SRP68: variants seen among roughly 807,000 people sequenced by gnomAD.
SRP68 encodes the protein signal recognition particle 68, also known as signal recognition particle subunit SRP68.
A neutral mutation model predicts 82.2 loss-of-function variants in SRP68; 15 were observed. That is an observed-to-expected ratio of 0.18 (90% CI 0.12 to 0.28). SRP68 has a LOEUF of 0.28. Ranked by LOEUF, SRP68 falls within the 10% of genes least tolerant of loss-of-function variation. The probability of loss-of-function intolerance (pLI) is 1.00; values close to 1 mark genes in which losing one functional copy is unlikely to be tolerated. For synonymous variants in SRP68, 261 were observed against 292.6 expected, an observed-to-expected ratio of 0.89 and a Z score of 1.10; for missense variants, 595 against 780.5, an observed-to-expected ratio of 0.76 and a Z score of 2.83.
At chr17:76,070,845 C>T (rs1199497505) in intron 1 of SRP68, among the ~76,000 whole-genome samples, 2 of 124,384 alleles carry the variant, frequency 1.6e-5, no homozygotes, top group African/African-American at 7.9e-5. Flanking sequence ...GTCACACATG[C>T]ACATGCACAC....
intron 10 of SRP68, 134 bp downstream of exon 10, chr17:76,047,770 CAG>C (rs2066642042): frequency 3.2e-6 from 1 of 315,332 alleles, no homozygotes; most frequent in South Asian, 9.4e-5. Flanking sequence ...GCCTGAGTGA[CAG>C]AGCTAGATCC....
Position 76,046,168 on chromosome 17 carries a change from G to A in SRP68, c.1169C>T (p.Thr390Met), listed in dbSNP as rs757875266. 64 of 1,613,742 alleles carry A rather than the reference G, an allele frequency of 4.0e-5. No individual in the cohort carries two copies. In the Middle Eastern group the frequency reaches 6.6e-4, roughly 17 times the overall value. ...CATGTTCTCATTACGCTTGATTGCC[G>A]TTGATAGCTTGATGTAAGTCAGGTA... The part of the protein sequence containing the change: ...HSYLTYIKLS[T>M]AIKRNENMAK... Residue 390 changes from threonine to methionine, a missense_variant, in exon 11 of 16, where the codon ACG becomes ATG. Physicochemically the swap from Thr to Met is moderately conservative, Grantham distance 81. Transcript: ENST00000307877.
chr17:76,045,464 C>T (rs185303206), intron 11 of SRP68, 78 bp from the exon 12 acceptor site: 16 of 1,101,918 alleles, frequency 1.5e-5, no homozygotes, highest in East Asian at 4.8e-5. Flanking sequence ...CTTGTAAGAA[C>T]GGACAAGAGT....
intron 8 of SRP68, among the ~76,000 whole-genome samples, chr17:76,051,014 C>T (rs1243043198): frequency 6.6e-6 from 1 of 152,036 alleles, no homozygotes; most frequent in Admixed American, 6.6e-5. Flanking sequence ...CAAATGTGAC[C>T]CAACTCAAAG....
At chr17:76,048,182 A>G (rs545668969) in intron 9 of SRP68, 47 of 276,550 alleles carry the variant, frequency 1.7e-4, no homozygotes, top group African/African-American at 9.3e-4. Flanking sequence ...TTGACCTCAA[A>G]TAAGAGAACT....
intron 9 of SRP68, among the ~76,000 whole-genome samples, chr17:76,049,997 T>C (rs1371685293): frequency 3.9e-5 from 6 of 152,052 alleles, no homozygotes; most frequent in Non-Finnish European, 7.4e-5. Context: ...AAAAGGCTAA[T>C]AGAAACAGGT....
chr17:76,052,735 C>T (rs1488498595), intron 8 of SRP68, among the ~76,000 whole-genome samples: 3 of 147,520 alleles, frequency 2.0e-5, no homozygotes, highest in Non-Finnish European at 4.4e-5. Flanking sequence ...ACCCGGGAGG[C>T]GGAGGTTTCA....
chr17:76,063,434 C>G (rs1471724039), intron 4 of SRP68, among the ~76,000 whole-genome samples: 1 of 152,064 alleles, frequency 6.6e-6, no homozygotes, highest in Non-Finnish European at 1.5e-5. Flanking sequence ...GCTTGCAATC[C>G]CAGCACTTTG....
chr17:76,067,788 A>G (rs2066818398), intron 2 of SRP68, among the ~76,000 whole-genome samples: 2 of 152,142 alleles, frequency 1.3e-5, no homozygotes, highest in Admixed American at 6.5e-5. Flanking sequence ...TGAACAACTA[A>G]AACATGGAGG....
At chr17:76,056,115 A>C (rs148334368) in intron 8 of SRP68, among the ~76,000 whole-genome samples, 9 of 152,010 alleles carry the variant, frequency 5.9e-5, no homozygotes, top group Non-Finnish European at 1.3e-4. Flanking sequence ...GCCAGCAGTA[A>C]CTTTTCAAAA....
chr17:76,059,776 AGT>A (rs2066737714), intron 7 of SRP68, among the ~76,000 whole-genome samples: 1 of 129,670 alleles, frequency 7.7e-6, no homozygotes, highest in African/African-American at 3.2e-5. Flanking sequence ...TGAGCGACAG[AGT>A]AAGACTGTCT....
intron 8 of SRP68, among the ~76,000 whole-genome samples, chr17:76,054,858 A>G (rs1296599956): frequency 6.6e-6 from 1 of 152,162 alleles, no homozygotes; most frequent in Non-Finnish European, 1.5e-5. Context: ...AAAAAAACAT[A>G]AGAACTCTCA....
chr17:76,072,320 G>A lies in SRP68; in HGVS notation c.172C>T (p.Leu58=). The change falls in exon 1 of 16, where the codon CTG becomes TTG. Residue 58 remains leucine (L), a synonymous_variant. Coordinates refer to ENST00000307877, the MANE Select transcript of SRP68 (RefSeq NM_014230.4). This position sits in a 1 kb window ranked among gnomAD's most constrained non-coding sequence, Gnocchi z 4.5. ...SKANKEFGDS[L]SLEILQIIKE... ...TACTCTAGGATACTCTCCAAACTCA[G>A]GCTATCCCCAAATTCTTTGTTTGCC... The A allele has an allele frequency of 6.2e-7, 1 of 1,612,230 alleles. No homozygotes were observed. The highest frequency in any genetic ancestry group is 8.5e-7 in the Non-Finnish European group (1 of 1,179,466).
intron 10 of SRP68, 87 bp from the exon 11 acceptor site, chr17:76,046,281 A>T: frequency 4.9e-5 from 63 of 1,273,400 alleles, no homozygotes; most frequent in East Asian, 1.1e-4. Flanking sequence ...GCTGACCCAG[A>T]GGAAGCAGGG....
In SRP68 at chr17:76,066,888, C is replaced by T. The variant is rs535731224; in HGVS notation, c.365+329G>A. ...GATTACAGGCGCCTGCCACCATGCCCGGGTAATTTTTATATTTTTAGTAAA... is the reference window on the plus strand; with the variant it reads ...GATTACAGGCGCCTGCCACCATGCCTGGGTAATTTTTATATTTTTAGTAAA... On this transcript the variant is annotated intron_variant, in intron 3 of 15. Transcript: ENST00000307877. Among the ~76,000 whole-genome samples the T allele has an allele frequency of 3.3e-5, 5 of 152,014 alleles. No homozygotes were observed. In the East Asian group the frequency reaches 5.8e-4, roughly 18 times the overall value.
chr17:76,045,459 A>G (rs1229111508), intron 11 of SRP68, 73 bp from the exon 12 acceptor site: 2 of 1,167,036 alleles, frequency 1.7e-6, no homozygotes, highest in African/African-American at 3.5e-5. Context: ...AAGACCTTGT[A>G]AGAACGGACA....
rs752899172 is a variant in SRP68, at chr17:76,071,402, G to A, written c.184+906C>T. On this transcript the variant is annotated intron_variant, in intron 1 of 15. Transcript: ENST00000307877. This position sits in a 1 kb window ranked among gnomAD's most constrained non-coding sequence, Gnocchi z 4.7. ...AATGACCTTCATCTATATAGGTATA[G>A]TTTTAATGTTTCCTCAACACTTCTC... Among the ~76,000 whole-genome samples, 16 of 152,162 alleles carry A rather than the reference G, an allele frequency of 1.1e-4. No homozygotes were observed. The highest frequency in any genetic ancestry group is 4.6e-4 in the Admixed American group (7 of 15,260).
chr17:76,044,211 A>AT (rs1332478298), intron 12 of SRP68, among the ~76,000 whole-genome samples: 1 of 152,144 alleles, frequency 6.6e-6, no homozygotes, highest in Non-Finnish European at 1.5e-5. Context: ...GACTCTGCAG[A>AT]GGAGGAACAG....
intron 8 of SRP68, among the ~76,000 whole-genome samples, chr17:76,054,962 CT>C (rs561623069): frequency 2.9e-4 from 42 of 146,778 alleles, no homozygotes; most frequent in Non-Finnish European, 3.6e-4. Context: ...ATAGGCTGAT[CT>C]TTTTTTTTTT....
Sources: gnomAD v4.1 joint callset for allele counts (sites outside exome capture counted in the v4.1 genomes callset) on GRCh38, gnomAD v4.1.1 for gene constraint, Gnocchi (gnomAD v3.1) non-coding constraint, MANE v1.5 for transcripts, NCBI Gene and HGNC (gene_info 2026-07-23, HGNC 2026-07-21) for gene names.